The following PLCG1 variants were observed in gnomAD, a reference collection of about 807,000 sequenced individuals.
PLCG1 encodes phospholipase C gamma 1.
Under a neutral mutation model 177.8 loss-of-function variants are expected in PLCG1, and 71 were observed. The ratio of observed to expected loss-of-function variants is 0.40; its 90% CI spans 0.33 to 0.49. The LOEUF (loss-of-function observed/expected upper bound fraction) is 0.49. Among genes scored for constraint, PLCG1 ranks in the 20% least tolerant of loss-of-function variants. The pLI, the probability that PLCG1 is intolerant of heterozygous loss-of-function variation, is 0.72. For synonymous variants in PLCG1, 658 were observed against 647.9 expected (o/e 1.02, Z -0.24); for missense variants, 1,281 against 1,709.0 (o/e 0.75, Z 4.42).
In PLCG1 at chr20:41,137,670, A is replaced by G. The variant is rs1029753571; in HGVS notation, c.29A>G (p.Asn10Ser). ...GCGGGCGCCGCGTCCCCTTGCGCCA[A>G]CGGCTGCGGGCCCGGCGCGCCCTCG... MAGAASPCA[N>S]GCGPGAPSDA... is the part of the protein sequence containing the mutation. The change falls in exon 1 of 32, where the codon AAC (asparagine) becomes AGC (serine). Residue 10 changes from asparagine to serine, a missense_variant. Asn to Ser is a conservative substitution (Grantham distance 46). Transcript: ENST00000685551. This position sits in a 1 kb window ranked among gnomAD's most constrained non-coding sequence, Gnocchi z 7.3. 7.6e-7 allele frequency: 1 copy of G among 1,321,050 alleles called. No homozygotes were observed. The highest frequency in any genetic ancestry group is 1.5e-5 in the African/African-American group (1 of 64,824). The allele number at this position is 1,321,050 out of a possible 1,614,324, so 81.8% of individuals were successfully genotyped here.
rs34065911 is a variant in PLCG1, at chr20:41,144,154, A to G, written c.217+6296A>G. On this transcript the variant is annotated intron_variant, in intron 1 of 31. Transcript: ENST00000685551. This position sits in a 1 kb window ranked among gnomAD's most constrained non-coding sequence, Gnocchi z 4.1. Reference sequence around the variant, plus strand: ...TTTGAACTTCACAGCAGCTCCATGAATCCATGGAGGGCAGGAGTTACTATC... The same window carrying G: ...TTTGAACTTCACAGCAGCTCCATGAGTCCATGGAGGGCAGGAGTTACTATC... Among the ~76,000 whole-genome samples, 2 of 152,308 alleles carry G rather than the reference A, an allele frequency of 1.3e-5. No individual in the cohort carries two copies. Among genetic ancestry groups the G allele is most frequent in the Non-Finnish European group, 2.9e-5 (2 of 68,022 alleles).
At position 41,148,418 on chromosome 20, in the gene PLCG1, G is replaced by C. The variant is rs979948742; in HGVS notation, c.217+10560G>C. Among the ~76,000 whole-genome samples the C allele has an allele frequency of 6.6e-6, 1 of 152,098 alleles. No individual in the cohort carries two copies. The highest frequency in any genetic ancestry group is 2.4e-5 in the African/African-American group (1 of 41,420). ...GTTTCCTTGTAGGAGGGAGACCCCA[G>C]ATTTTTATTTCTTCTCCCAACCCAT... is the stretch of plus-strand genomic sequence containing the variant. On this transcript the variant is annotated intron_variant, in intron 1 of 31. Transcript: ENST00000685551. The surrounding 1 kb of genome is among the most constrained non-coding windows in gnomAD (Gnocchi z 4.3).
intron 5 of PLCG1, 50 bp from the exon 6 acceptor site, chr20:41,162,592 C>A: frequency 1.2e-6 from 2 of 1,606,906 alleles, no homozygotes; most frequent in South Asian, 1.1e-5. Context: ...AAGAGCCCTT[C>A]AGCTGGGGGC....
chr20:41,170,255 A>G lies in PLCG1; in HGVS notation c.2794A>G (p.Thr932Ala), dbSNP rs778440987. The G allele has an allele frequency of 6.2e-7, 1 of 1,614,068 alleles. No individual in the cohort carries two copies. Among genetic ancestry groups the G allele is most frequent in the Non-Finnish European group, 8.5e-7 (1 of 1,179,986 alleles). The change falls in exon 24 of 32, where the codon ACA becomes GCA. Residue 932 changes from threonine to alanine, a missense_variant. Physicochemically the swap from Thr to Ala is moderately conservative, Grantham distance 58. This residue lies in a region of PLCG1 where 723 missense variants were observed against 1,030.0 expected (regional missense o/e 0.70). Transcript: ENST00000685551. ...GAAAAAGATCCGTGAAGTGGCCCAGACAGCAGACGCCAGGGTGAGATTCTG... is the reference window on the plus strand; with the variant it reads ...GAAAAAGATCCGTGAAGTGGCCCAGGCAGCAGACGCCAGGGTGAGATTCTG... ...WVKKIREVAQ[T>A]ADARLTEGKI...
At position 41,151,864 on chromosome 20, in the gene PLCG1, G is replaced by T. The variant is rs563908104; in HGVS notation, c.218-7742G>T. Among the ~76,000 whole-genome samples, 1 of 152,152 alleles carries T rather than the reference G, an allele frequency of 6.6e-6. No individual in the cohort carries two copies. Among genetic ancestry groups the T allele is most frequent in the African/African-American group, 2.4e-5 (1 of 41,430 alleles). ...GAGCTGCAAAAACCTTGCCAAAGCC[G>T]TATGGTCCTGATGGGTGCAGAGCCC... On this transcript the variant is annotated intron_variant, in intron 1 of 31. Transcript: ENST00000685551. This position sits in a 1 kb window ranked among gnomAD's most constrained non-coding sequence, Gnocchi z 5.5.
chr20:41,165,123 G>A lies in PLCG1; in HGVS notation c.1386+22G>A, dbSNP rs770650870. 1.1e-5 allele frequency: 18 copies of A among 1,607,260 alleles called. No homozygotes were observed. The highest frequency in any genetic ancestry group is 2.2e-5 in the East Asian group (1 of 44,804). Reference sequence around the variant, plus strand: ...CAAGGTGGGGTGGCGGGCTTATTGCGGAAGCCCCACACTTCTCAGTGCCTT... The same window carrying A: ...CAAGGTGGGGTGGCGGGCTTATTGCAGAAGCCCCACACTTCTCAGTGCCTT... On this transcript the variant is annotated intron_variant, in intron 13 of 31. Coordinates refer to ENST00000685551, the MANE Select transcript of PLCG1 (RefSeq NM_002660.3). The surrounding 1 kb of genome is among the most constrained non-coding windows in gnomAD (Gnocchi z 6.6).
At position 41,146,464 on chromosome 20, in the gene PLCG1, G is replaced by C. The variant is rs1398957236; in HGVS notation, c.217+8606G>C. 2.6e-5 allele frequency among the ~76,000 whole-genome samples: 4 copies of C among 152,220 alleles called. No homozygotes were observed. Among genetic ancestry groups the C allele is most frequent in the African/African-American group, 4.8e-5 (2 of 41,452 alleles). On this transcript the variant is annotated intron_variant, in intron 1 of 31. Transcript: ENST00000685551. This position sits in a 1 kb window ranked among gnomAD's most constrained non-coding sequence, Gnocchi z 6.3. The stretch of plus-strand genomic sequence containing the variant: ...AAGCATCTGTACAAAGGCTGTGAGG[G>C]GCCTGGGCGCAAGGCAGCAAGGCTT...
chr20:41,176,092 G>GGACTT lies in PLCG1; in HGVS notation c.*1585_*1589dup, dbSNP rs1365864134. The GGACTT allele has an allele frequency of 6.6e-6, 1 of 152,148 alleles. No homozygotes were observed. The highest frequency in any genetic ancestry group is 1.5e-5 in the Non-Finnish European group (1 of 68,018). The allele number at this position is 152,148 out of a possible 1,614,324, so 9.4% of individuals were successfully genotyped here. On this transcript the variant is annotated 3_prime_UTR_variant, in exon 32 of 32. Transcript: ENST00000685551. ...CCAGGTGCCATTCTGATTGCCTCTA[G>GGACTT]GACTTGGCAGCTGAAATCTCTGGGC...
intron 1 of PLCG1, among the ~76,000 whole-genome samples, chr20:41,142,038 T>G (rs144464287): frequency 6.0e-4 from 91 of 152,388 alleles, no homozygotes; most frequent in African/African-American, 2.2e-3. Flanking sequence ...GCACCAAGGA[T>G]TCAAAAGTTT....
rs545712770 is a variant in PLCG1, at chr20:41,144,362, TC to T, written c.217+6507del. ...TTATTTTGTTTTGTTTTGTTTTTCT[TC>T]CCTCTGGCCACATGTGTTTGACCAG... On this transcript the variant is annotated intron_variant, in intron 1 of 31. Coordinates refer to ENST00000685551, the MANE Select transcript of PLCG1 (RefSeq NM_002660.3). This position sits in a 1 kb window ranked among gnomAD's most constrained non-coding sequence, Gnocchi z 4.1. Among the ~76,000 whole-genome samples the T allele has an allele frequency of 6.6e-6, 1 of 152,326 alleles. No homozygotes were observed. The highest frequency in any genetic ancestry group is 2.1e-4 in the South Asian group (1 of 4,830).
At chr20:41,139,318 A>G (rs909237326) in intron 1 of PLCG1, among the ~76,000 whole-genome samples, 1 of 152,194 alleles carries the variant, frequency 6.6e-6, no homozygotes, top group Non-Finnish European at 1.5e-5. Flanking sequence ...CAAAGAGCTG[A>G]GATAACCCTG....
At position 41,165,938 on chromosome 20, in the gene PLCG1, G is replaced by C; in HGVS notation, c.1799+112G>C. The C allele has an allele frequency of 2.2e-6, 2 of 915,930 alleles. No individual in the cohort carries two copies. Among genetic ancestry groups the C allele is most frequent in the Non-Finnish European group, 3.3e-6 (2 of 607,686 alleles). 56.7% of individuals were successfully genotyped at this position (915,930 alleles called of 1,614,324 possible). ...GCCTTTGATCCAGGACAATAATTAG[G>C]CTTTACATGGAACATAATTTCACCT... On this transcript the variant is annotated intron_variant, in intron 16 of 31. Transcript: ENST00000685551. The surrounding 1 kb of genome is among the most constrained non-coding windows in gnomAD (Gnocchi z 6.6).
At position 41,159,809 on chromosome 20, in the gene PLCG1, C is replaced by G. The variant is rs1418908524; in HGVS notation, c.370+51C>G. 9.3e-6 allele frequency: 15 copies of G among 1,613,116 alleles called. No individual in the cohort carries two copies. Among genetic ancestry groups the G allele is most frequent in the Non-Finnish European group, 1.3e-5 (15 of 1,179,154 alleles). ...TAGAGGATAGTTAGGGGAATGCCTG[C>G]TGGCTCCTGCCCAGTGGGAGGTATG... On this transcript the variant is annotated intron_variant, in intron 2 of 31. Transcript: ENST00000685551. This position sits in a 1 kb window ranked among gnomAD's most constrained non-coding sequence, Gnocchi z 6.0.
rs186189512 is a variant in PLCG1 at position 41,160,194 on chromosome 20, T to A, written c.512+41T>A. On this transcript the variant is annotated intron_variant, in intron 4 of 31. Coordinates refer to ENST00000685551, the MANE Select transcript of PLCG1 (RefSeq NM_002660.3). This position sits in a 1 kb window ranked among gnomAD's most constrained non-coding sequence, Gnocchi z 5.5. Reference sequence around the variant, plus strand: ...TGGCTGTAGCCCAGCAGGGTGGGGATGGGCATCCAGAACCTTAGCCAGGCC... The same window carrying A: ...TGGCTGTAGCCCAGCAGGGTGGGGAAGGGCATCCAGAACCTTAGCCAGGCC... The A allele has an allele frequency of 6.3e-7, 1 of 1,591,632 alleles. No individual in the cohort carries two copies. The highest frequency in any genetic ancestry group is 2.2e-5 in the East Asian group (1 of 44,740).
Position 41,165,665 on chromosome 20 carries a change from C to G in PLCG1, c.1638C>G (p.Ser546=), listed in dbSNP as rs1441964386. The change falls in exon 16 of 32, where the codon TCC becomes TCG. Residue 546 remains serine (S), a synonymous_variant. Coordinates refer to ENST00000685551, the MANE Select transcript of PLCG1 (RefSeq NM_002660.3). This position sits in a 1 kb window ranked among gnomAD's most constrained non-coding sequence, Gnocchi z 6.6. ...KEVSSSTELH[S]NEKWFHGKLG... is the part of the protein sequence containing the mutation. ...TCAGCAGCAGCACAGAGCTGCACTCCAATGAGAAGTGGTTCCATGGGAAGC... is the reference window on the plus strand; with the variant it reads ...TCAGCAGCAGCACAGAGCTGCACTCGAATGAGAAGTGGTTCCATGGGAAGC... 2.5e-6 allele frequency: 4 copies of G among 1,613,904 alleles called. No homozygotes were observed. The highest frequency in any genetic ancestry group is 3.4e-6 in the Non-Finnish European group (4 of 1,179,866).
chr20:41,139,684 A>C (rs1030665071), intron 1 of PLCG1, among the ~76,000 whole-genome samples: 1 of 152,206 alleles, frequency 6.6e-6, no homozygotes, highest in African/African-American at 2.4e-5. Flanking sequence ...ATGTTTAATA[A>C]ATATGAGCTG....
chr20:41,159,510 G>T lies in PLCG1; in HGVS notation c.218-96G>T. 7.7e-7 allele frequency: 1 copy of T among 1,294,634 alleles called. No individual in the cohort carries two copies. Among genetic ancestry groups the T allele is most frequent in the Non-Finnish European group, 1.1e-6 (1 of 925,908 alleles). The allele number at this position is 1,294,634 out of a possible 1,614,324, so 80.2% of individuals were successfully genotyped here. ...CTCTGCCTCTGGGGTTCCTCCCTGA[G>T]AGAGAGTGTAAGAATGAGGAAACCA... On this transcript the variant is annotated intron_variant, in intron 1 of 31. Coordinates refer to ENST00000685551, the MANE Select transcript of PLCG1 (RefSeq NM_002660.3). This position sits in a 1 kb window ranked among gnomAD's most constrained non-coding sequence, Gnocchi z 6.0.
Position 41,156,444 on chromosome 20 carries a change from T to C in PLCG1, c.218-3162T>C, listed in dbSNP as rs1223938596. On this transcript the variant is annotated intron_variant, in intron 1 of 31. Coordinates refer to ENST00000685551, the MANE Select transcript of PLCG1 (RefSeq NM_002660.3). The surrounding 1 kb of genome is among the most constrained non-coding windows in gnomAD (Gnocchi z 5.0). Reference sequence around the variant, plus strand: ...GCTGTGCTGGCTGGGCTTTGCCTTCTTGGGTCAAGGCGAGCCTGGGCATTA... The same window carrying C: ...GCTGTGCTGGCTGGGCTTTGCCTTCCTGGGTCAAGGCGAGCCTGGGCATTA... Among the ~76,000 whole-genome samples the C allele has an allele frequency of 6.6e-6, 1 of 152,174 alleles. No individual in the cohort carries two copies. Among genetic ancestry groups the C allele is most frequent in the African/African-American group, 2.4e-5 (1 of 41,440 alleles).
At chr20:41,161,850 C>T (rs1461121477) in intron 4 of PLCG1, among the ~76,000 whole-genome samples, 3 of 152,140 alleles carry the variant, frequency 2.0e-5, no homozygotes, top group African/African-American at 7.2e-5. Flanking sequence ...AGCAGGGGCG[C>T]TTGTTCTCTC....
Sources: gnomAD v4.1 joint callset for allele counts (sites outside exome capture counted in the v4.1 genomes callset) on GRCh38, gnomAD v4.1.1 for gene constraint, gnomAD v4.1.1 regional missense constraint, Gnocchi (gnomAD v3.1) non-coding constraint, MANE v1.5 for transcripts, NCBI Gene and HGNC (gene_info 2026-07-23, HGNC 2026-07-21) for gene names.